The following FUT9 variants were observed in gnomAD, a reference collection of about 807,000 sequenced individuals.
FUT9 encodes the protein fucosyltransferase 9, also known as 4-galactosyl-N-acetylglucosaminide 3-alpha-L-fucosyltransferase 9.
FUT9 carries 15 observed loss-of-function variants against 29.7 expected under a neutral mutation model. That is an observed-to-expected ratio of 0.51 (90% CI 0.34 to 0.78). FUT9 has a LOEUF of 0.78. Among genes scored for constraint, FUT9 ranks in the 30% least tolerant of loss-of-function variants. FUT9 has a pLI of 0.01. For synonymous variants in FUT9, 169 were observed against 153.7 expected, an observed-to-expected ratio of 1.10 and a Z score of -0.74; for missense variants, 319 against 425.4, an observed-to-expected ratio of 0.75 and a Z score of 2.20.
At chr6:96,191,081 T>C (rs2127988692) in intron 2 of FUT9, among the ~76,000 whole-genome samples, 1 of 152,160 alleles carries the variant, frequency 6.6e-6, no homozygotes, top group African/African-American at 2.4e-5. Context: ...ACAGATGGGG[T>C]TTTGGTGTGG....
intron 1 of FUT9, among the ~76,000 whole-genome samples, chr6:96,028,531 A>G (rs1294229527): frequency 6.6e-6 from 1 of 151,624 alleles, no homozygotes; most frequent in East Asian, 1.9e-4. Flanking sequence ...ATTATTTTGA[A>G]TATGGAATTG....
chr6:96,123,435 A>G (rs1343582342), intron 2 of FUT9, among the ~76,000 whole-genome samples: 1 of 152,184 alleles, frequency 6.6e-6, no homozygotes, highest in African/African-American at 2.4e-5. Flanking sequence ...TAATTCAGTT[A>G]CTGGTTGACT....
intron 1 of FUT9, among the ~76,000 whole-genome samples, chr6:96,095,931 T>C (rs867163646): frequency 6.6e-6 from 1 of 152,174 alleles, no homozygotes; most frequent in Non-Finnish European, 1.5e-5. Flanking sequence ...GTTGTCATAT[T>C]ACATGATGTG....
intron 1 of FUT9, among the ~76,000 whole-genome samples, chr6:96,059,631 A>T (rs981636106): frequency 3.9e-5 from 6 of 152,194 alleles, no homozygotes; most frequent in Admixed American, 2.6e-4. Flanking sequence ...ATTTCATTAC[A>T]TCATTCCTCA....
At chr6:96,055,593 A>C (rs546611344) in intron 1 of FUT9, among the ~76,000 whole-genome samples, 2 of 151,668 alleles carry the variant, frequency 1.3e-5, no homozygotes, top group African/African-American at 4.8e-5. Context: ...GTAAACATGC[A>C]TCATGGGGGT....
intron 1 of FUT9, among the ~76,000 whole-genome samples, chr6:96,082,403 T>C (rs899117257): frequency 6.6e-6 from 1 of 151,834 alleles, no homozygotes; most frequent in Non-Finnish European, 1.5e-5. Context: ...TTAAATAGTA[T>C]ACTATTTCCT....
At chr6:96,019,358 G>A (rs1169928537) in intron 1 of FUT9, among the ~76,000 whole-genome samples, 6 of 151,494 alleles carry the variant, frequency 4.0e-5, no homozygotes, top group South Asian at 2.1e-4. Context: ...TTTTCATTGC[G>A]GTGGATGTAT....
intron 2 of FUT9, among the ~76,000 whole-genome samples, chr6:96,132,687 A>C (rs1255086260): frequency 6.6e-6 from 1 of 152,036 alleles, no homozygotes; most frequent in African/African-American, 2.4e-5. Context: ...TTGGTGATTT[A>C]GACACATTCA....
intron 1 of FUT9, among the ~76,000 whole-genome samples, chr6:96,084,962 T>C (rs1397510725): frequency 6.6e-6 from 1 of 152,202 alleles, no homozygotes; most frequent in African/African-American, 2.4e-5. Flanking sequence ...AGTATTGTTT[T>C]GTTCAGTTTC....
chr6:96,042,047 T>G (rs1770470644), intron 1 of FUT9, among the ~76,000 whole-genome samples: 1 of 152,216 alleles, frequency 6.6e-6, no homozygotes, highest in Admixed American at 6.5e-5. Context: ...AACCATCCTA[T>G]AACTTTCAGT....
chr6:96,062,485 A>G (rs1415451088), intron 1 of FUT9, among the ~76,000 whole-genome samples: 1 of 152,148 alleles, frequency 6.6e-6, no homozygotes, highest in African/African-American at 2.4e-5. Flanking sequence ...ATGCAAAAGA[A>G]CAGAGAAGGG....
intron 2 of FUT9, among the ~76,000 whole-genome samples, chr6:96,133,631 T>A (rs1772292836): frequency 6.6e-6 from 1 of 151,906 alleles, no homozygotes; most frequent in Admixed American, 6.6e-5. Flanking sequence ...AGGTGTGTAA[T>A]TCATACATTG....
At chr6:96,175,098 C>A (rs1480174160) in intron 2 of FUT9, among the ~76,000 whole-genome samples, 1 of 147,622 alleles carries the variant, frequency 6.8e-6, no homozygotes, top group Non-Finnish European at 1.5e-5. Flanking sequence ...TTTTTTTTTT[C>A]CTGGAGCTGG....
At chr6:96,202,597 C>G (rs1226734429) in intron 2 of FUT9, among the ~76,000 whole-genome samples, 1 of 151,968 alleles carries the variant, frequency 6.6e-6, no homozygotes, top group African/African-American at 2.4e-5. Context: ...CATTTTTTTA[C>G]CAGATGATTA....
chr6:96,060,369 C>T (rs1258081526), intron 1 of FUT9, among the ~76,000 whole-genome samples: 2 of 152,090 alleles, frequency 1.3e-5, no homozygotes, highest in African/African-American at 4.8e-5. Flanking sequence ...CAGCATAAAA[C>T]ATTTATAACC....
chr6:96,132,834 A>C (rs867613590), intron 2 of FUT9, among the ~76,000 whole-genome samples: 1 of 152,154 alleles, frequency 6.6e-6, no homozygotes, highest in African/African-American at 2.4e-5. Context: ...AAGCAAAAAA[A>C]CTATTTGCAG....
chr6:96,022,082 G>A (rs1328829232), intron 1 of FUT9, among the ~76,000 whole-genome samples: 2 of 151,984 alleles, frequency 1.3e-5, no homozygotes, highest in Admixed American at 6.6e-5. Context: ...AGTTACATGG[G>A]TAATATGATT....
intron 1 of FUT9, among the ~76,000 whole-genome samples, chr6:96,038,635 T>C (rs1770403635): frequency 6.6e-6 from 1 of 152,166 alleles, no homozygotes; most frequent in Admixed American, 6.5e-5. Flanking sequence ...CTGCCAGAGA[T>C]ATATTTAAAA....
intron 2 of FUT9, among the ~76,000 whole-genome samples, chr6:96,187,928 C>CT (rs1164949388): frequency 6.6e-6 from 1 of 152,094 alleles, no homozygotes; most frequent in African/African-American, 2.4e-5. Flanking sequence ...GGGGATACAA[C>CT]TATCACAGAG....
Sources: gnomAD v4.1 joint callset for allele counts (sites outside exome capture counted in the v4.1 genomes callset) on GRCh38, gnomAD v4.1.1 for gene constraint, MANE v1.5 for transcripts, NCBI Gene and HGNC (gene_info 2026-07-23, HGNC 2026-07-21) for gene names.